The following GRM8 variants were observed in gnomAD, a reference collection of about 807,000 sequenced individuals.
The protein encoded by GRM8 is glutamate metabotropic receptor 8.
A neutral mutation model predicts 87.2 loss-of-function variants in GRM8; 47 were observed. The ratio of observed to expected loss-of-function variants is 0.54; its 90% CI spans 0.43 to 0.69. GRM8 has a LOEUF of 0.69. Among genes scored for constraint, GRM8 ranks in the 30% least tolerant of loss-of-function variants. The pLI, the probability that GRM8 is intolerant of heterozygous loss-of-function variation, is 0.00. For missense variants in GRM8, 1,019 were observed against 1,139.2 expected (o/e 0.89, Z 1.52); for synonymous variants, 396 against 404.5 (o/e 0.98, Z 0.25).
At chr7:127,042,213 A>C (rs1267084723) in intron 3 of GRM8, among the ~76,000 whole-genome samples, 1 of 152,200 alleles carries the variant, frequency 6.6e-6, no homozygotes, top group Non-Finnish European at 1.5e-5. Context: ...TTTAGAGTTC[A>C]AAGGGCCTCC....
chr7:127,172,442 C>T (rs2116334429), intron 2 of GRM8, among the ~76,000 whole-genome samples: 1 of 152,130 alleles, frequency 6.6e-6, no homozygotes, highest in South Asian at 2.1e-4. Flanking sequence ...TGGTGGCTCA[C>T]ACTTGTAATC....
intron 7 of GRM8, among the ~76,000 whole-genome samples, chr7:126,676,871 G>T: frequency 6.6e-6 from 1 of 151,870 alleles, no homozygotes; most frequent in East Asian, 1.9e-4. Flanking sequence ...AATAAATGAG[G>T]CCTAATTAAA....
At chr7:126,825,260 G>GT (rs1415237561) in intron 6 of GRM8, among the ~76,000 whole-genome samples, 1 of 152,004 alleles carries the variant, frequency 6.6e-6, no homozygotes, top group East Asian at 1.9e-4. Flanking sequence ...TAGAGACAGG[G>GT]TTTCACCATG....
chr7:126,798,435 G>A (rs1035885180), intron 6 of GRM8, among the ~76,000 whole-genome samples: 1 of 152,042 alleles, frequency 6.6e-6, no homozygotes, highest in Non-Finnish European at 1.5e-5. Flanking sequence ...CATGGCCATG[G>A]CCACCTCATA....
chr7:127,003,815 C>T (rs553095037), intron 3 of GRM8, among the ~76,000 whole-genome samples: 2 of 151,818 alleles, frequency 1.3e-5, no homozygotes, highest in South Asian at 4.2e-4. Context: ...AAGACCATAA[C>T]AGAGAGATAA....
chr7:126,536,823 CA>C (rs1465213370), intron 8 of GRM8, among the ~76,000 whole-genome samples: 1 of 151,690 alleles, frequency 6.6e-6, no homozygotes, highest in Non-Finnish European at 1.5e-5. Flanking sequence ...TGTTCCTGCT[CA>C]AAAAACACAA....
At position 126,944,675 on chromosome 7, in the gene GRM8, A is replaced by C. The variant is rs753331990; in HGVS notation, c.728-39992T>G. On this transcript the variant is annotated intron_variant, in intron 3 of 10. Transcript: ENST00000339582. ...GACCTCAATACCCAAAAGATAACAT[A>C]AACTAAGCAAAAAGAGAAACCACAG... 9.8e-5 allele frequency among the ~76,000 whole-genome samples: 15 copies of C among 152,344 alleles called. No individual in the cohort carries two copies. In the South Asian group the frequency reaches 2.1e-3, roughly 21 times the overall value.
chr7:126,456,519 TAAAAAA>T (rs513), intron 9 of GRM8, among the ~76,000 whole-genome samples: 4 of 69,696 alleles, frequency 5.7e-5, no homozygotes, highest in East Asian at 3.3e-4. Context: ...AGCAGCAAGC[TAAAAAA>T]AAAAAAAAAA....
At chr7:126,754,980 GTGTT>G (rs1239964445) in intron 7 of GRM8, among the ~76,000 whole-genome samples, 1 of 151,604 alleles carries the variant, frequency 6.6e-6, no homozygotes, top group Non-Finnish European at 1.5e-5. Flanking sequence ...ACACAAAATG[GTGTT>G]TGTTTATTCA....
chr7:126,500,337 T>C (rs575442299), intron 9 of GRM8, among the ~76,000 whole-genome samples: 1 of 152,098 alleles, frequency 6.6e-6, no homozygotes, highest in South Asian at 2.1e-4. Flanking sequence ...GGATTTCTGC[T>C]TTGTTCTTCG....
chr7:126,618,727 A>G (rs1346570104), intron 7 of GRM8, among the ~76,000 whole-genome samples: 1 of 152,200 alleles, frequency 6.6e-6, no homozygotes, highest in East Asian at 1.9e-4. Flanking sequence ...ATGAACAGAC[A>G]CTTCTCAAAA....
At chr7:126,708,157 G>T (rs759930696) in intron 7 of GRM8, among the ~76,000 whole-genome samples, 1 of 152,004 alleles carries the variant, frequency 6.6e-6, no homozygotes, top group Non-Finnish European at 1.5e-5. Flanking sequence ...AATCCTCAGA[G>T]AAATACAAAT....
intron 3 of GRM8, among the ~76,000 whole-genome samples, chr7:127,030,175 G>A (rs1817221644): frequency 6.6e-6 from 1 of 151,886 alleles, no homozygotes; most frequent in African/African-American, 2.4e-5. Flanking sequence ...CTACACATTG[G>A]TCCAGCTCCT....
At chr7:126,808,907 A>G (rs1793031093) in intron 6 of GRM8, among the ~76,000 whole-genome samples, 1 of 152,184 alleles carries the variant, frequency 6.6e-6, no homozygotes, top group Non-Finnish European at 1.5e-5. Context: ...TTCCTATTGA[A>G]GCTGTAACAA....
chr7:126,707,564 G>A (rs1020014138), intron 7 of GRM8, among the ~76,000 whole-genome samples: 14 of 152,142 alleles, frequency 9.2e-5, no homozygotes, highest in African/African-American at 2.7e-4. Flanking sequence ...GAGTTTCAAC[G>A]CATTAAAGGT....
chr7:127,098,058 C>A (rs991840359), intron 3 of GRM8, among the ~76,000 whole-genome samples: 1 of 152,180 alleles, frequency 6.6e-6, no homozygotes, highest in Non-Finnish European at 1.5e-5. Flanking sequence ...TCCTTTGGAT[C>A]CCTATAAAGC....
chr7:126,878,519 CTTTT>C (rs35669727), intron 6 of GRM8, among the ~76,000 whole-genome samples: 4 of 131,048 alleles, frequency 3.1e-5, no homozygotes, highest in African/African-American at 5.8e-5. Context: ...TCGTCTTCTT[CTTTT>C]TTTTTTTTTT....
intron 3 of GRM8, among the ~76,000 whole-genome samples, chr7:127,104,341 A>G (rs1033736646): frequency 1.3e-5 from 2 of 152,212 alleles, no homozygotes; most frequent in African/African-American, 4.8e-5. Flanking sequence ...CAAATGTTAC[A>G]GAACTAATGA....
intron 6 of GRM8, among the ~76,000 whole-genome samples, chr7:126,883,795 TC>T (rs1800237510): frequency 6.6e-6 from 1 of 152,112 alleles, no homozygotes; most frequent in Admixed American, 6.6e-5. Context: ...TGTTGGTATA[TC>T]CCATGTCTAT....
Sources: gnomAD v4.1 joint callset for allele counts (sites outside exome capture counted in the v4.1 genomes callset) on GRCh38, gnomAD v4.1.1 for gene constraint, MANE v1.5 for transcripts, NCBI Gene and HGNC (gene_info 2026-07-23, HGNC 2026-07-21) for gene names.